MAMDC2: variants seen among roughly 807,000 people sequenced by gnomAD.
The protein encoded by MAMDC2 is MAM domain containing 2.
Under a neutral mutation model 89.8 loss-of-function variants are expected in MAMDC2, and 57 were observed. That is an observed-to-expected ratio of 0.63 (90% CI 0.51 to 0.79). The LOEUF is 0.79. Ranked by LOEUF, MAMDC2 falls within the 30% of genes least tolerant of loss-of-function variation. The probability of loss-of-function intolerance (pLI) is 0.00; values close to 1 mark genes in which losing one functional copy is unlikely to be tolerated. For missense variants in MAMDC2, 800 were observed against 820.6 expected (o/e 0.97, Z 0.31); for synonymous variants, 313 against 293.4 (o/e 1.07, Z -0.68).
At chr9:70,071,558 T>G (rs767850292) in intron 2 of MAMDC2, 1 of 152,208 alleles carries the variant, frequency 6.6e-6, no homozygotes, top group Non-Finnish European at 1.5e-5. Context: ...AGACACAAAG[T>G]GTTTTGTGAA....
intron 2 of MAMDC2, among the ~76,000 whole-genome samples, chr9:70,047,639 T>C (rs1315315314): frequency 3.3e-5 from 5 of 152,242 alleles, no homozygotes; most frequent in Non-Finnish European, 5.9e-5. Flanking sequence ...TCTTTGCTAT[T>C]GTAAATAGTG....
In MAMDC2 at chr9:70,043,907, C is replaced by T. The variant is rs1057466041; in HGVS notation, c.-291C>T. ...TTCAAAGTGTGCAGTTGTCTCCTCC[C>T]TGTCCAGCCCCATCGTCGCCCAGGA... is the stretch of plus-strand genomic sequence containing the variant. On this transcript the variant is annotated 5_prime_UTR_variant, in exon 1 of 14. Coordinates refer to ENST00000377182, the MANE Select transcript of MAMDC2 (RefSeq NM_153267.5). The T allele has an allele frequency of 7.2e-6, 4 of 554,352 alleles. No individual in the cohort carries two copies. Among genetic ancestry groups the T allele is most frequent in the African/African-American group, 1.9e-5 (1 of 52,844 alleles). The allele number at this position is 554,352 out of a possible 1,614,324, so 34.3% of individuals were successfully genotyped here.
intron 2 of MAMDC2, among the ~76,000 whole-genome samples, chr9:70,079,829 T>C (rs1827614141): frequency 6.6e-6 from 1 of 152,202 alleles, no homozygotes; most frequent in Admixed American, 6.5e-5. Flanking sequence ...GCCTTCGGCC[T>C]GTCCCCAACA....
chr9:70,118,032 A>G (rs867839207), intron 5 of MAMDC2, among the ~76,000 whole-genome samples: 7 of 152,200 alleles, frequency 4.6e-5, no homozygotes, highest in South Asian at 4.1e-4. Flanking sequence ...GAATTTGGCC[A>G]GATGCATAAG....
intron 9 of MAMDC2, among the ~76,000 whole-genome samples, chr9:70,154,736 T>A (rs2031696083): frequency 6.6e-6 from 1 of 152,026 alleles, no homozygotes; most frequent in Admixed American, 6.6e-5. Context: ...TGGTCTGAAC[T>A]CCTGGCCTCA....
intron 9 of MAMDC2, among the ~76,000 whole-genome samples, chr9:70,160,845 G>C (rs1053410546): frequency 2.0e-5 from 3 of 151,754 alleles, no homozygotes; most frequent in African/African-American, 7.2e-5. Flanking sequence ...ATCAACAAAC[G>C]TAAGGCAAAA....
intron 11 of MAMDC2, among the ~76,000 whole-genome samples, chr9:70,192,728 A>T (rs572944646): frequency 2.0e-5 from 3 of 151,626 alleles, no homozygotes; most frequent in East Asian, 3.9e-4. Context: ...GGCAGGCTTG[A>T]TTCAGTACCA....
intron 2 of MAMDC2, among the ~76,000 whole-genome samples, chr9:70,056,090 T>C (rs72709198): frequency 6.6e-6 from 1 of 152,338 alleles, no homozygotes; most frequent in Non-Finnish European, 1.5e-5. Context: ...AAGTGTTATT[T>C]GGGGCTATGC....
At chr9:70,218,750 A>G (rs1292273863) in intron 12 of MAMDC2, among the ~76,000 whole-genome samples, 154 bp downstream of exon 12, 1 of 152,232 alleles carries the variant, frequency 6.6e-6, no homozygotes, top group Admixed American at 6.5e-5. Context: ...TAGTCTATAC[A>G]TTGATTAAAT....
Position 70,090,841 on chromosome 9 carries a change from G to A in MAMDC2, c.149-17370G>A, listed in dbSNP as rs572665431. 37 of 152,176 alleles carry A rather than the reference G, an allele frequency of 2.4e-4. No individual in the cohort carries two copies. In the Middle Eastern group the frequency reaches 0.01, roughly 42 times the overall value. 9.4% of individuals were successfully genotyped at this position (152,176 alleles called of 1,614,324 possible). On this transcript the variant is annotated intron_variant, in intron 2 of 13. Coordinates refer to ENST00000377182, the MANE Select transcript of MAMDC2 (RefSeq NM_153267.5). ...CATTGCTTTTAATAGCTTAAGATTG[G>A]AAAATTATGCATCACAAGGGCACCA...
intron 11 of MAMDC2, among the ~76,000 whole-genome samples, chr9:70,198,311 T>C (rs1378832319): frequency 1.3e-5 from 2 of 151,968 alleles, no homozygotes; most frequent in Admixed American, 1.3e-4. Flanking sequence ...CAGTGGGGGT[T>C]GTGGAACTTG....
At chr9:70,139,732 T>C (rs1004767200) in intron 7 of MAMDC2, among the ~76,000 whole-genome samples, 7 of 152,162 alleles carry the variant, frequency 4.6e-5, no homozygotes, top group South Asian at 2.1e-4. Flanking sequence ...TTTACAGTCC[T>C]ACCAACAGTG....
At chr9:70,146,602 C>T (rs62570293) in intron 9 of MAMDC2, among the ~76,000 whole-genome samples, 3,468 of 152,214 alleles carry the variant, frequency 0.023, 49 homozygotes, top group Non-Finnish European at 0.038. Flanking sequence ...AATGAGAAAT[C>T]AGAGTTTCCC....
At chr9:70,072,948 G>C (rs1827442334) in intron 2 of MAMDC2, among the ~76,000 whole-genome samples, 3 of 152,202 alleles carry the variant, frequency 2.0e-5, no homozygotes, top group Admixed American at 6.5e-5. Flanking sequence ...CGATTCTCCT[G>C]CTTCAGCCTC....
chr9:70,108,208 C>T lies in MAMDC2; in HGVS notation c.149-3C>T, dbSNP rs897686006. On this transcript the variant is annotated splice_region_variant and splice_polypyrimidine_tract_variant and intron_variant, in intron 2 of 13. Transcript: ENST00000377182. The stretch of plus-strand genomic sequence containing the variant: ...CTTTTCCTATGTTCCTTTCTCTTTC[C>T]AGGCCATTACATTTATGTGGATACC... 4 of 1,568,786 alleles carry T rather than the reference C, an allele frequency of 2.5e-6. No individual in the cohort carries two copies. The African/African-American group carries it at 5.5e-5, about 22-fold the overall frequency.
intron 2 of MAMDC2, among the ~76,000 whole-genome samples, chr9:70,051,996 TAAAA>T (rs201607881): frequency 6.6e-6 from 1 of 151,812 alleles, no homozygotes; most frequent in Non-Finnish European, 1.5e-5. Flanking sequence ...TTAAAACAGG[TAAAA>T]AAAAATTTTT....
chr9:70,142,873 C>G (rs1217794781), intron 8 of MAMDC2, among the ~76,000 whole-genome samples: 5 of 152,128 alleles, frequency 3.3e-5, no homozygotes, highest in Non-Finnish European at 7.4e-5. Context: ...TCTGCCCAGG[C>G]TTTCCAGGAT....
intron 2 of MAMDC2, among the ~76,000 whole-genome samples, chr9:70,068,690 C>T (rs1169591381): frequency 6.9e-6 from 1 of 144,336 alleles, no homozygotes; most frequent in Non-Finnish European, 1.5e-5. Flanking sequence ...CCACTGCATT[C>T]CAGCCTGGTT....
Position 70,108,473 on chromosome 9 carries a change from G to T in MAMDC2, c.411G>T (p.Lys137Asn). The change falls in exon 3 of 14, where the codon AAG (lysine) becomes AAT (asparagine). Residue 137 changes from lysine (K) to asparagine (N), a missense_variant. Lys to Asn is a moderately conservative substitution (Grantham distance 94, BLOSUM62 0). Transcript: ENST00000377182. The part of the protein sequence containing the change: ...IASLDLQNSS[K>N]KFKILIEGVL... Reference sequence around the variant, plus strand: ...GCTTGGATTTGCAAAACAGTTCCAAGAAATTCAAGGTAGGTGGAGTTTAGG... The same window carrying T: ...GCTTGGATTTGCAAAACAGTTCCAATAAATTCAAGGTAGGTGGAGTTTAGG... The T allele has an allele frequency of 1.3e-6, 2 of 1,595,660 alleles. No individual in the cohort carries two copies. Among genetic ancestry groups the T allele is most frequent in the Non-Finnish European group, 8.5e-7 (1 of 1,173,108 alleles).
Sources: gnomAD v4.1 joint callset for allele counts (sites outside exome capture counted in the v4.1 genomes callset) on GRCh38, gnomAD v4.1.1 for gene constraint, MANE v1.5 for transcripts, NCBI Gene and HGNC (gene_info 2026-07-23, HGNC 2026-07-21) for gene names.